SPATA22: variants seen among roughly 807,000 people sequenced by gnomAD.
SPATA22 encodes the protein spermatogenesis associated 22, also known as spermatogenesis-associated protein 22.
A neutral mutation model predicts 47.8 loss-of-function variants in SPATA22; 29 were observed. That is an observed-to-expected ratio of 0.61 (90% CI 0.45 to 0.83). The LOEUF (loss-of-function observed/expected upper bound fraction) is 0.83. Ranked by LOEUF, SPATA22 falls within the 40% of genes least tolerant of loss-of-function variation. SPATA22 has a pLI of 0.00. For missense variants in SPATA22, 410 were observed against 421.7 expected, an observed-to-expected ratio of 0.97 and a Z score of 0.24; for synonymous variants, 133 against 140.9, an observed-to-expected ratio of 0.94 and a Z score of 0.40.
At chr17:3,470,585 T>C (rs2073406386) in intron 1 of SPATA22, among the ~76,000 whole-genome samples, 1 of 150,564 alleles carries the variant, frequency 6.6e-6, no homozygotes, top group Non-Finnish European at 1.5e-5. Flanking sequence ...CCGTCTCTAC[T>C]AAAAAATACA....
intron 1 of SPATA22, among the ~76,000 whole-genome samples, chr17:3,470,678 G>A (rs2073409668): frequency 6.6e-6 from 1 of 152,056 alleles, no homozygotes; most frequent in African/African-American, 2.4e-5. Flanking sequence ...ATGAACTCGG[G>A]AGGCGGAGGT....
At chr17:3,450,815 T>C (rs754515960) in intron 5 of SPATA22, among the ~76,000 whole-genome samples, 3 of 152,122 alleles carry the variant, frequency 2.0e-5, no homozygotes, top group Non-Finnish European at 4.4e-5. Context: ...ATAACAGATA[T>C]AATAATAATG....
At chr17:3,451,117 G>C (rs1948172) in intron 5 of SPATA22, among the ~76,000 whole-genome samples, 35,605 of 152,024 alleles carry the variant, frequency 0.23, 4,439 homozygotes, top group East Asian at 0.43. Flanking sequence ...GATGGAAAAA[G>C]ATATTCCATG....
At chr17:3,504,041 T>C (rs1297624835) in intron 1 of SPATA22, among the ~76,000 whole-genome samples, 1 of 152,076 alleles carries the variant, frequency 6.6e-6, no homozygotes, top group African/African-American at 2.4e-5. Context: ...CTTCCCACTG[T>C]TTATTCCTCT....
rs750827880 is a variant in SPATA22 at position 3,440,346 on chromosome 17, TC to T, written c.901-9del. 7.4e-6 allele frequency: 11 copies of T among 1,490,570 alleles called. No individual in the cohort carries two copies. Among genetic ancestry groups the T allele is most frequent in the Non-Finnish European group, 9.0e-6 (10 of 1,115,136 alleles). 92.3% of individuals were successfully genotyped at this position (1,490,570 alleles called of 1,614,324 possible). ...TCTCGGAAGTTCACGATCCTGTTTT[TC>T]AAAAAATAAGTATCAAAAAATAGTT... On this transcript the variant is annotated splice_polypyrimidine_tract_variant and intron_variant, in intron 8 of 8. Transcript: ENST00000572969.
intron 1 of SPATA22, among the ~76,000 whole-genome samples, chr17:3,508,413 G>T (rs545510151): frequency 6.6e-6 from 1 of 151,840 alleles, no homozygotes; most frequent in Non-Finnish European, 1.5e-5. Flanking sequence ...TATACCCAAC[G>T]GACTATAAAT....
chr17:3,449,200 C>CA (rs35147573), intron 5 of SPATA22, 51 bp from the exon 6 acceptor site: 241,545 of 1,257,062 alleles, frequency 0.19, 24,436 homozygotes, highest in East Asian at 0.36. Flanking sequence ...TTCTTAATTA[C>CA]AAAAAAAATT....
chr17:3,506,866 G>A (rs112425697), intron 1 of SPATA22, among the ~76,000 whole-genome samples: 18 of 152,210 alleles, frequency 1.2e-4, no homozygotes, highest in African/African-American at 4.1e-4. Context: ...GCTTGAAGCC[G>A]GGAGGTGGAG....
At chr17:3,459,864 G>T (rs1473571726) in intron 5 of SPATA22, among the ~76,000 whole-genome samples, 1 of 152,178 alleles carries the variant, frequency 6.6e-6, no homozygotes, top group Non-Finnish European at 1.5e-5. Context: ...GCAAGTTGAA[G>T]GAGATCTAAA....
intron 7 of SPATA22, among the ~76,000 whole-genome samples, chr17:3,445,975 C>T (rs1235280776): frequency 6.6e-6 from 1 of 152,038 alleles, no homozygotes; most frequent in Non-Finnish European, 1.5e-5. Flanking sequence ...AGCCATGTTC[C>T]TTTTGGAGGC....
intron 1 of SPATA22, among the ~76,000 whole-genome samples, chr17:3,480,629 G>A (rs967362000): frequency 2.0e-5 from 3 of 152,160 alleles, no homozygotes; most frequent in Admixed American, 6.5e-5. Flanking sequence ...AGAATCTTGC[G>A]GCCCTCCAGC....
chr17:3,454,172 G>C (rs966884000), intron 5 of SPATA22, among the ~76,000 whole-genome samples: 1 of 147,138 alleles, frequency 6.8e-6, no homozygotes, highest in Non-Finnish European at 1.5e-5. Context: ...CCAAGATAGA[G>C]AAAGGTCTAT....
upstream of SPATA22, chr17:3,471,936 C>A (rs1225917381): frequency 1.2e-6 from 1 of 853,934 alleles, no homozygotes; most frequent in Admixed American, 6.2e-5. Context: ...TAACGCTCTT[C>A]CTTGGCGTTC....
At chr17:3,454,387 T>C (rs1310662904) in intron 5 of SPATA22, among the ~76,000 whole-genome samples, 1 of 152,010 alleles carries the variant, frequency 6.6e-6, no homozygotes, top group Non-Finnish European at 1.5e-5. Flanking sequence ...GCCATGCTGG[T>C]GTGCTGCACC....
intron 1 of SPATA22, among the ~76,000 whole-genome samples, chr17:3,495,939 A>G (rs2073901699): frequency 6.6e-6 from 1 of 152,232 alleles, no homozygotes; most frequent in Admixed American, 6.5e-5. Flanking sequence ...TGACAAAAAT[A>G]TCAAGTACAA....
intron 7 of SPATA22, among the ~76,000 whole-genome samples, chr17:3,445,250 C>A (rs1360525820): frequency 2.6e-5 from 4 of 152,072 alleles, no homozygotes; most frequent in Non-Finnish European, 5.9e-5. Context: ...AAATAGAATA[C>A]CATCTGCTAT....
chr17:3,506,387 T>G (rs1238897375), intron 1 of SPATA22, among the ~76,000 whole-genome samples: 4 of 152,128 alleles, frequency 2.6e-5, no homozygotes, highest in African/African-American at 9.7e-5. Flanking sequence ...TCCCCCATTC[T>G]GCCAAGAAAA....
chr17:3,481,592 G>A, intron 1 of SPATA22: 6 of 1,611,146 alleles, frequency 3.7e-6, no homozygotes, highest in Non-Finnish European at 5.1e-6. Flanking sequence ...TTTTCTTTCT[G>A]CTTATAACAG....
At chr17:3,442,169 C>A (rs1474305225) in intron 8 of SPATA22, among the ~76,000 whole-genome samples, 1 of 151,886 alleles carries the variant, frequency 6.6e-6, no homozygotes, top group Non-Finnish European at 1.5e-5. Context: ...TTTTAAAAAA[C>A]TTCAGACTAG....
Sources: allele counts gnomAD v4.1 joint callset (sites outside exome capture counted in the v4.1 genomes callset), GRCh38; gene constraint gnomAD v4.1.1; transcripts MANE v1.5; gene names NCBI Gene and HGNC (gene_info 2026-07-23, HGNC 2026-07-21).